GPM6A: variants seen among roughly 807,000 people sequenced by gnomAD.
The protein encoded by GPM6A is neuronal membrane glycoprotein M6-a.
Under a neutral mutation model 32.1 loss-of-function variants are expected in GPM6A, and 7 were observed. That is an observed-to-expected ratio of 0.22 (90% CI 0.12 to 0.41). GPM6A has a LOEUF of 0.41. GPM6A is among the 10% of genes least tolerant of loss of function. The pLI is 1.00. For synonymous variants in GPM6A, 130 were observed against 123.4 expected, an observed-to-expected ratio of 1.05 and a Z score of -0.35; for missense variants, 235 against 347.2, an observed-to-expected ratio of 0.68 and a Z score of 2.57.
At chr4:175,704,306 ATCTC>A (rs1175040179) in intron 1 of GPM6A, among the ~76,000 whole-genome samples, 5 of 149,260 alleles carry the variant, frequency 3.3e-5, no homozygotes, top group African/African-American at 9.8e-5. Flanking sequence ...CCCAACACAC[ATCTC>A]TCTCTTTCTC....
intron 1 of GPM6A, among the ~76,000 whole-genome samples, chr4:175,873,012 G>A (rs1224101749): frequency 6.6e-6 from 1 of 151,942 alleles, no homozygotes; most frequent in East Asian, 1.9e-4. Context: ...AGGTATTTGG[G>A]GGAAGAAGAA....
chr4:175,686,379 T>C (rs182773888), intron 2 of GPM6A, among the ~76,000 whole-genome samples: 43 of 152,344 alleles, frequency 2.8e-4, no homozygotes, highest in Non-Finnish European at 5.6e-4. Context: ...GGAGTGAATA[T>C]TAACTTTCAT....
chr4:175,896,224 A>G (rs1187549708), intron 1 of GPM6A, among the ~76,000 whole-genome samples: 2 of 152,122 alleles, frequency 1.3e-5, no homozygotes, highest in Non-Finnish European at 2.9e-5. Context: ...GACTCAAGGT[A>G]GATGGTAAGA....
intron 1 of GPM6A, among the ~76,000 whole-genome samples, chr4:175,807,969 T>G (rs962188400): frequency 6.6e-6 from 1 of 152,206 alleles, no homozygotes; most frequent in Admixed American, 6.5e-5. Context: ...TTAAGGTTAT[T>G]GTGAAGAGCC....
At chr4:175,754,514 T>C (rs757782101) in intron 1 of GPM6A, among the ~76,000 whole-genome samples, 1 of 152,220 alleles carries the variant, frequency 6.6e-6, no homozygotes, top group Admixed American at 6.5e-5. Context: ...TTAAACACAT[T>C]GTGTTCAATT....
chr4:175,943,359 A>G (rs1402714845), intron 1 of GPM6A, among the ~76,000 whole-genome samples: 1 of 152,206 alleles, frequency 6.6e-6, no homozygotes, highest in Non-Finnish European at 1.5e-5. Context: ...TCCTATTTGA[A>G]TACCTTTTAT....
rs760509346 is a variant in GPM6A at position 175,701,694 on chromosome 4, A to G, written c.111T>C (p.Tyr37=). 6.2e-7 allele frequency: 1 copy of G among 1,613,980 alleles called. No individual in the cohort carries two copies. The highest frequency in any genetic ancestry group is 8.5e-7 in the Non-Finnish European group (1 of 1,179,816). Residue 37 remains tyrosine, a synonymous_variant, in exon 2 of 7, where the codon TAT becomes TAC. Coordinates refer to ENST00000393658, the MANE Select transcript of GPM6A (RefSeq NM_201591.3). The part of the protein sequence containing the change: ...YASLIATILL[Y]AGVALFCGCG... ...AGCCACAGAACAGGGCAACACCCGC[A>G]TAGAGCAGGATGGTGGCAATCAGAG...
intron 3 of GPM6A, among the ~76,000 whole-genome samples, chr4:175,671,037 T>A (rs993272031): frequency 1.3e-5 from 2 of 151,766 alleles, no homozygotes; most frequent in Admixed American, 6.6e-5. Flanking sequence ...CTAATTTTTT[T>A]ATTTTTAGTA....
intron 1 of GPM6A, among the ~76,000 whole-genome samples, chr4:175,939,196 A>T (rs1379052127): frequency 6.6e-6 from 1 of 152,220 alleles, no homozygotes; most frequent in Non-Finnish European, 1.5e-5. Flanking sequence ...GAATGAATGC[A>T]AGGAAGACCC....
intron 1 of GPM6A, among the ~76,000 whole-genome samples, chr4:175,978,613 T>A (rs1740732193): frequency 6.6e-6 from 1 of 152,168 alleles, no homozygotes; most frequent in African/African-American, 2.4e-5. Flanking sequence ...TTACAATGAG[T>A]CAATGCTGAA....
chr4:175,890,969 G>T (rs980535148), intron 1 of GPM6A, among the ~76,000 whole-genome samples: 2 of 152,048 alleles, frequency 1.3e-5, no homozygotes, highest in Non-Finnish European at 2.9e-5. Context: ...TAGAGTATAT[G>T]CAACTAGATG....
At chr4:175,755,157 C>T (rs1732480223) in intron 1 of GPM6A, among the ~76,000 whole-genome samples, 4 of 151,440 alleles carry the variant, frequency 2.6e-5, no homozygotes, top group Admixed American at 2.0e-4. Flanking sequence ...ACATACAGAC[C>T]CAAGGAAATA....
intron 1 of GPM6A, among the ~76,000 whole-genome samples, chr4:175,790,786 T>G (rs1436265199): frequency 6.6e-6 from 1 of 152,216 alleles, no homozygotes; most frequent in African/African-American, 2.4e-5. Flanking sequence ...CTTTGCAACA[T>G]GATGAAATTA....
intron 1 of GPM6A, among the ~76,000 whole-genome samples, chr4:175,984,035 A>ACC (rs1561022849): frequency 6.6e-6 from 1 of 151,884 alleles, no homozygotes; most frequent in African/African-American, 2.4e-5. Context: ...ACACACACAC[A>ACC]CACACTCACA....
At chr4:175,893,631 T>C (rs61200374) in intron 1 of GPM6A, among the ~76,000 whole-genome samples, 2,379 of 152,276 alleles carry the variant, frequency 0.016, 61 homozygotes, top group African/African-American at 0.054. Flanking sequence ...AACTACCCCC[T>C]GAATAGATAA....
chr4:175,820,087 C>G (rs574900259), intron 1 of GPM6A, among the ~76,000 whole-genome samples: 1 of 152,096 alleles, frequency 6.6e-6, no homozygotes, highest in South Asian at 2.1e-4. Flanking sequence ...ATCATCTAAG[C>G]GGTTTAGCAG....
upstream of GPM6A, among the ~76,000 whole-genome samples, chr4:175,814,960 G>T (rs1043076811): frequency 3.3e-5 from 5 of 151,988 alleles, no homozygotes; most frequent in Admixed American, 6.6e-5. Flanking sequence ...CATTAAAAAC[G>T]CACTCCTCCT....
intron 1 of GPM6A, among the ~76,000 whole-genome samples, chr4:175,750,127 C>T (rs575012296): frequency 2.6e-5 from 4 of 151,996 alleles, no homozygotes; most frequent in African/African-American, 7.2e-5. Flanking sequence ...GTAGCAATCT[C>T]GGCTCACTGC....
intron 1 of GPM6A, among the ~76,000 whole-genome samples, chr4:175,843,562 C>T (rs1736002181): frequency 6.6e-6 from 1 of 152,150 alleles, no homozygotes; most frequent in Non-Finnish European, 1.5e-5. Context: ...ATAAATCCTA[C>T]TCTGAAGGAG....
Sources: allele counts gnomAD v4.1 joint callset (sites outside exome capture counted in the v4.1 genomes callset), GRCh38; gene constraint gnomAD v4.1.1; transcripts MANE v1.5; gene names NCBI Gene and HGNC (gene_info 2026-07-23, HGNC 2026-07-21).